DEUP1: variants seen among roughly 807,000 people sequenced by gnomAD.
DEUP1 encodes deuterosome assembly protein 1.
In DEUP1, 82 loss-of-function variants were observed where a neutral mutation model predicts 87.4. That is an observed-to-expected ratio of 0.94 (90% confidence interval 0.78 to 1.13). DEUP1 has a LOEUF of 1.13. Ranked by LOEUF, DEUP1 falls within the 50% of genes most tolerant of loss-of-function variation. The pLI is 0.00. For missense variants in DEUP1, 663 were observed against 681.5 expected (o/e 0.97, Z 0.30); for synonymous variants, 214 against 222.7 (o/e 0.96, Z 0.35).
intron 13 of DEUP1, among the ~76,000 whole-genome samples, chr11:93,419,601 T>G (rs1468695501): frequency 6.6e-6 from 1 of 152,130 alleles, no homozygotes; most frequent in Non-Finnish European, 1.5e-5. Context: ...GTATTTAGCC[T>G]TTCTCATTTC....
intron 5 of DEUP1, among the ~76,000 whole-genome samples, chr11:93,366,294 G>A (rs982812586): frequency 3.3e-5 from 5 of 152,112 alleles, no homozygotes; most frequent in African/African-American, 7.2e-5. Flanking sequence ...AGTTAAAACC[G>A]TTTTACAGGT....
intron 2 of DEUP1, among the ~76,000 whole-genome samples, chr11:93,339,677 C>T (rs4322357): frequency 2.0e-5 from 3 of 151,976 alleles, no homozygotes; most frequent in Non-Finnish European, 4.4e-5. Flanking sequence ...AGCAAAGGAA[C>T]GCAAGACACT....
At chr11:93,356,869 G>C in intron 3 of DEUP1, 79 bp from the exon 4 acceptor site, 1 of 849,530 alleles carries the variant, frequency 1.2e-6, no homozygotes, top group Non-Finnish European at 1.9e-6. Context: ...TATTTGAATT[G>C]TTCTTCTCTT....
Position 93,390,002 on chromosome 11 carries a change from A to G in DEUP1, c.1041+877A>G, listed in dbSNP as rs186244854. On this transcript the variant is annotated intron_variant, in intron 9 of 13. Coordinates refer to ENST00000298050, the MANE Select transcript of DEUP1 (RefSeq NM_181645.4). ...GGTTCTTTACTCTCCTACAAAGAGT[A>G]TGATTCTCTCCTCCCTCTAGTACAA... Among the ~76,000 whole-genome samples, 8 of 152,360 alleles carry G rather than the reference A, an allele frequency of 5.3e-5. No homozygotes were observed. In the East Asian group the frequency reaches 7.7e-4, roughly 15 times the overall value.
chr11:93,358,916 C>T (rs1249846733), intron 4 of DEUP1, among the ~76,000 whole-genome samples: 2 of 152,016 alleles, frequency 1.3e-5, no homozygotes, highest in Non-Finnish European at 2.9e-5. Flanking sequence ...CATTCTGATA[C>T]CACTGTAAAC....
rs368365266 is a variant in DEUP1, at chr11:93,377,274, G to A, written c.789+5994G>A. The stretch of plus-strand genomic sequence containing the variant: ...TCATTTCTTAGGTCTAGTGGTAATT[G>A]TTTTATAAATTTGGGAGCTCCAGTG... On this transcript the variant is annotated intron_variant, in intron 7 of 13. Transcript: ENST00000298050. 4.6e-3 allele frequency among the ~76,000 whole-genome samples: 706 copies of A among 152,186 alleles called. 3 individuals carry two copies. The highest frequency in any genetic ancestry group is 0.016 in the African/African-American group (675 of 41,506).
chr11:93,419,132 T>C (rs2134464462), intron 13 of DEUP1, among the ~76,000 whole-genome samples: 1 of 151,386 alleles, frequency 6.6e-6, no homozygotes, highest in Middle Eastern at 3.4e-3. Flanking sequence ...TGTATACATA[T>C]GTAACTAACC....
At chr11:93,428,768 C>T (rs1299793282) in intron 13 of DEUP1, among the ~76,000 whole-genome samples, 3 of 152,008 alleles carry the variant, frequency 2.0e-5, no homozygotes, top group Non-Finnish European at 2.9e-5. Flanking sequence ...ATTTCATTAC[C>T]CTGGTCATAG....
At position 93,355,465 on chromosome 11, in the gene DEUP1, G is replaced by T; in HGVS notation, c.124G>T (p.Ala42Ser). The T allele has an allele frequency of 6.2e-7, 1 of 1,613,750 alleles. No homozygotes were observed. The highest frequency in any genetic ancestry group is 8.5e-7 in the Non-Finnish European group (1 of 1,179,772). Residue 42 changes from alanine to serine, a missense_variant, in exon 3 of 14, where the codon GCT becomes TCT. Transcript: ENST00000298050. ...KKMDWERKMR[A>S]LETRLDLRDQ... Reference sequence around the variant, plus strand: ...AATGGATTGGGAAAGAAAGATGCGGGCTTTGGAGACACGATTAGATCTTCG... The same window carrying T: ...AATGGATTGGGAAAGAAAGATGCGGTCTTTGGAGACACGATTAGATCTTCG...
At chr11:93,348,181 G>A (rs1261917266) in intron 2 of DEUP1, among the ~76,000 whole-genome samples, 1 of 152,210 alleles carries the variant, frequency 6.6e-6, no homozygotes, top group Admixed American at 6.5e-5. Flanking sequence ...TGTGGAGTCA[G>A]TGGTAATTTC....
At chr11:93,427,094 T>G (rs1947944655) in intron 13 of DEUP1, among the ~76,000 whole-genome samples, 1 of 141,774 alleles carries the variant, frequency 7.1e-6, no homozygotes, top group Admixed American at 7.3e-5. Flanking sequence ...AAGCTACCAA[T>G]GACTTTCTTC....
At chr11:93,338,842 A>G (rs1943910573) in intron 2 of DEUP1, among the ~76,000 whole-genome samples, 1 of 152,226 alleles carries the variant, frequency 6.6e-6, no homozygotes, top group African/African-American at 2.4e-5. Context: ...AAGAGTTCAG[A>G]ATTAGATAGA....
At chr11:93,356,715 G>A (rs989612521) in intron 3 of DEUP1, among the ~76,000 whole-genome samples, 1 of 152,120 alleles carries the variant, frequency 6.6e-6, no homozygotes, top group Non-Finnish European at 1.5e-5. Flanking sequence ...TGATGATAAG[G>A]ATCTTTTGTT....
At chr11:93,341,115 G>A (rs967609079) in intron 2 of DEUP1, among the ~76,000 whole-genome samples, 6 of 152,124 alleles carry the variant, frequency 3.9e-5, no homozygotes, top group African/African-American at 1.2e-4. Flanking sequence ...TTGTTTATTT[G>A]GGATATGAAG....
intron 7 of DEUP1, among the ~76,000 whole-genome samples, chr11:93,382,766 A>G (rs1174439433): frequency 6.6e-6 from 1 of 152,234 alleles, no homozygotes; most frequent in Non-Finnish European, 1.5e-5. Context: ...AGACATTCAC[A>G]TTAAGTCAAT....
At chr11:93,396,663 G>C (rs1026158918) in intron 11 of DEUP1, among the ~76,000 whole-genome samples, 2 of 152,116 alleles carry the variant, frequency 1.3e-5, no homozygotes, top group African/African-American at 4.8e-5. Context: ...CCTCAACGAA[G>C]CCACCCCTGA....
chr11:93,373,624 C>CATATATATAT (rs1945865108), intron 7 of DEUP1, among the ~76,000 whole-genome samples: 1 of 78,868 alleles, frequency 1.3e-5, no homozygotes, highest in African/African-American at 3.2e-5. Context: ...TATATATATA[C>CATATATATAT]GTATATATAT....
intron 5 of DEUP1, among the ~76,000 whole-genome samples, chr11:93,364,912 A>G (rs1207520076): frequency 6.6e-6 from 1 of 152,068 alleles, no homozygotes; most frequent in Non-Finnish European, 1.5e-5. Context: ...TCGTTTTCCA[A>G]CCTTGGAAAA....
At chr11:93,419,624 T>G (rs959822213) in intron 13 of DEUP1, among the ~76,000 whole-genome samples, 1 of 152,104 alleles carries the variant, frequency 6.6e-6, no homozygotes, top group Non-Finnish European at 1.5e-5. Context: ...TTTCCAGAGA[T>G]GAAATCGATC....
Sources: gnomAD v4.1 joint callset for allele counts (sites outside exome capture counted in the v4.1 genomes callset) on GRCh38, gnomAD v4.1.1 for gene constraint, MANE v1.5 for transcripts, NCBI Gene and HGNC (gene_info 2026-07-23, HGNC 2026-07-21) for gene names.